SLAMF1: variants seen among roughly 807,000 people sequenced by gnomAD.
SLAMF1 encodes the protein signaling lymphocytic activation molecule.
SLAMF1 carries 18 observed loss-of-function variants against 35.1 expected under a neutral mutation model. That is an observed-to-expected ratio of 0.51 (90% CI 0.35 to 0.76). The LOEUF (loss-of-function observed/expected upper bound fraction) is 0.76, where lower values mean the gene tolerates loss of function less well. Among genes scored for constraint, SLAMF1 ranks in the 30% least tolerant of loss-of-function variants. SLAMF1 has a pLI of 0.01. For missense variants in SLAMF1, 392 were observed against 413.0 expected, an observed-to-expected ratio of 0.95 and a Z score of 0.44; for synonymous variants, 168 against 157.2, an observed-to-expected ratio of 1.07 and a Z score of -0.51.
intron 3 of SLAMF1, among the ~76,000 whole-genome samples, chr1:160,631,724 C>A (rs1190654245): frequency 6.6e-6 from 1 of 152,060 alleles, no homozygotes; most frequent in African/African-American, 2.4e-5. Flanking sequence ...CAGGTGAGAA[C>A]ACAGTGAGAA....
rs1658868067 is a variant in SLAMF1 at position 160,609,518 on chromosome 1, A to C, written c.*1230T>G. On this transcript the variant is annotated 3_prime_UTR_variant, in exon 7 of 7. Transcript: ENST00000302035. ...GGAAGTTGGTGCTCCTTATTATGCA[A>C]TGGTATGATAGTGGCTGTTTCTTAC... 6.6e-6 allele frequency: 1 copy of C among 152,242 alleles called. No homozygotes were observed. Among genetic ancestry groups the C allele is most frequent in the Non-Finnish European group, 1.5e-5 (1 of 68,054 alleles). 9.4% of individuals were successfully genotyped at this position (152,242 alleles called of 1,614,324 possible).
chr1:160,639,819 G>A (rs1034151134), intron 1 of SLAMF1, among the ~76,000 whole-genome samples: 5 of 151,830 alleles, frequency 3.3e-5, no homozygotes, highest in East Asian at 1.9e-4. Flanking sequence ...TGCCCAGTCC[G>A]TGGCACTGTT....
intron 3 of SLAMF1, 83 bp from the exon 4 acceptor site, chr1:160,624,268 C>A: frequency 2.1e-6 from 2 of 961,390 alleles, no homozygotes; most frequent in South Asian, 2.8e-5. Context: ...GATAATGGAG[C>A]CTCATGTTCT....
rs1361053277 is a variant in SLAMF1, at chr1:160,640,359, T to TATATAC, written c.77-2831_77-2830insGTATAT. Among the ~76,000 whole-genome samples, 172 of 122,408 alleles carry TATATAC rather than the reference T, an allele frequency of 1.4e-3. 1 individual carries two copies. Among genetic ancestry groups the TATATAC allele is most frequent in the East Asian group, 6.4e-3 (25 of 3,878 alleles). 80.3% of individuals were successfully genotyped at this position (122,408 alleles called of 152,430 possible). A position where few individuals can be genotyped will look rare whatever the true frequency, so the allele number is the denominator to read the frequency against. On this transcript the variant is annotated intron_variant, in intron 1 of 6. Coordinates refer to ENST00000302035, the MANE Select transcript of SLAMF1 (RefSeq NM_003037.5). The stretch of plus-strand genomic sequence containing the variant: ...ATATATATATATATATATATATATA[T>TATATAC]ACACACACACACACACATATATATA...
intron 2 of SLAMF1, among the ~76,000 whole-genome samples, chr1:160,635,348 T>TGC (rs752154256): frequency 1.3e-5 from 2 of 152,044 alleles, no homozygotes; most frequent in African/African-American, 2.4e-5. Context: ...TGTGTGTGCG[T>TGC]GCGCGCGCGC....
chr1:160,638,222 T>A (rs1660555842), intron 1 of SLAMF1, among the ~76,000 whole-genome samples: 3 of 151,972 alleles, frequency 2.0e-5, no homozygotes, highest in African/African-American at 7.3e-5. Flanking sequence ...ATTTCACACC[T>A]CCTCTCTCCT....
intron 3 of SLAMF1, among the ~76,000 whole-genome samples, chr1:160,632,837 CT>C (rs984782671): frequency 1.3e-5 from 2 of 152,162 alleles, no homozygotes; most frequent in African/African-American, 4.8e-5. Flanking sequence ...TGCTTTATCT[CT>C]TTCACTAATG....
intron 3 of SLAMF1, among the ~76,000 whole-genome samples, chr1:160,625,877 G>A (rs577893576): frequency 7.8e-4 from 118 of 151,934 alleles, no homozygotes; most frequent in Non-Finnish European, 1.6e-3. Context: ...GTGTGTTTGA[G>A]ACAGATTGAT....
At chr1:160,621,191 C>T (rs956524785) in intron 4 of SLAMF1, among the ~76,000 whole-genome samples, 11 of 152,148 alleles carry the variant, frequency 7.2e-5, no homozygotes, top group Admixed American at 5.9e-4. Context: ...AAAGTCCAGG[C>T]AGAGGCAATG....
chr1:160,624,679 T>C (rs1311696806), intron 3 of SLAMF1, among the ~76,000 whole-genome samples: 1 of 152,246 alleles, frequency 6.6e-6, no homozygotes, highest in South Asian at 2.1e-4. Context: ...TGTTGTCCTT[T>C]CATGCAAATA....
intron 3 of SLAMF1, among the ~76,000 whole-genome samples, chr1:160,633,909 A>G (rs1329861059): frequency 6.6e-6 from 1 of 152,244 alleles, no homozygotes; most frequent in Non-Finnish European, 1.5e-5. Context: ...AAATGAAAGT[A>G]TAACACCTAT....
intron 1 of SLAMF1, among the ~76,000 whole-genome samples, 166 bp downstream of exon 1, chr1:160,646,704 T>C (rs898282282): frequency 8.5e-5 from 13 of 152,210 alleles, no homozygotes; most frequent in African/African-American, 3.1e-4. Context: ...CAGGAACTTA[T>C]AATGTTCCTT....
At chr1:160,634,542 G>T in intron 3 of SLAMF1, 71 bp downstream of exon 3, 1 of 1,468,182 alleles carries the variant, frequency 6.8e-7, no homozygotes, top group Non-Finnish European at 9.2e-7. Context: ...TGGCTGGGGA[G>T]CAATTGGACC....
rs190014830 is a variant in SLAMF1, at chr1:160,617,656, G to T, written c.864+2120C>A. ...GCTAACCTATTTTTCTAGAAGTCAGGATAGTGGTTATCTTTGGGGAGGAGA... is the reference window on the plus strand; with the variant it reads ...GCTAACCTATTTTTCTAGAAGTCAGTATAGTGGTTATCTTTGGGGAGGAGA... On this transcript the variant is annotated intron_variant, in intron 5 of 6. Transcript: ENST00000302035. 2.4e-4 allele frequency among the ~76,000 whole-genome samples: 36 copies of T among 152,256 alleles called. 2 individuals are homozygous for T. In the East Asian group the frequency reaches 6.7e-3, roughly 29 times the overall value.
At chr1:160,626,769 G>A (rs759124299) in intron 3 of SLAMF1, among the ~76,000 whole-genome samples, 4 of 152,038 alleles carry the variant, frequency 2.6e-5, no homozygotes, top group Non-Finnish European at 4.4e-5. Context: ...CAAACCTTTT[G>A]AGTCAAAAGC....
Position 160,624,123 on chromosome 1 carries a change from C to G in SLAMF1, c.763G>C (p.Val255Leu). The change falls in exon 4 of 7, where the codon GTG becomes CTG. Residue 255 changes from valine to leucine, a missense_variant. Coordinates refer to ENST00000302035, the MANE Select transcript of SLAMF1 (RefSeq NM_003037.5). ...LGGVIMILIMVVILQLRRRGK... is the reference protein window; with the variant it reads ...LGGVIMILIMLVILQLRRRGK... The stretch of plus-strand genomic sequence containing the variant: ...CTTCTTCTCAACTGTAGTATTACCA[C>G]CATGATGAGAATCATGATGACACCC... The G allele has an allele frequency of 6.2e-7, 1 of 1,607,224 alleles. No individual in the cohort carries two copies. The highest frequency in any genetic ancestry group is 8.5e-7 in the Non-Finnish European group (1 of 1,175,608).
At position 160,634,908 on chromosome 1, in the gene SLAMF1, T is replaced by A; in HGVS notation, c.416-11A>T. ...GAGTGGAGACCTGCTCTGTCAGGAGTGGGAGGAAGGGAGCCATCACTGAAG... is the reference window on the plus strand; with the variant it reads ...GAGTGGAGACCTGCTCTGTCAGGAGAGGGAGGAAGGGAGCCATCACTGAAG... On this transcript the variant is annotated splice_polypyrimidine_tract_variant and intron_variant, in intron 2 of 6. Transcript: ENST00000302035. 1 of 1,598,398 alleles carries A rather than the reference T, an allele frequency of 6.3e-7. No homozygotes were observed. Among genetic ancestry groups the A allele is most frequent in the Non-Finnish European group, 8.6e-7 (1 of 1,169,400 alleles).
Position 160,637,180 on chromosome 1 carries a change from G to T in SLAMF1, c.415+11C>A. 1.9e-6 allele frequency: 3 copies of T among 1,603,708 alleles called. No individual in the cohort carries two copies. Among genetic ancestry groups the T allele is most frequent in the South Asian group, 2.2e-5 (2 of 90,890 alleles). ...CCCTTTAGTGTGGACTGGGGAAGCC[G>T]CCATTATTACCATAAAGCCTCAACT... On this transcript the variant is annotated intron_variant, in intron 2 of 6. Coordinates refer to ENST00000302035, the MANE Select transcript of SLAMF1 (RefSeq NM_003037.5).
intron 3 of SLAMF1, among the ~76,000 whole-genome samples, chr1:160,628,442 C>T (rs945220604): frequency 6.6e-6 from 1 of 152,200 alleles, no homozygotes; most frequent in Admixed American, 6.5e-5. Context: ...TATTAAGGTA[C>T]TATCATAAAC....
Sources: gnomAD v4.1 joint callset for allele counts (sites outside exome capture counted in the v4.1 genomes callset) on GRCh38, gnomAD v4.1.1 for gene constraint, MANE v1.5 for transcripts, NCBI Gene and HGNC (gene_info 2026-07-23, HGNC 2026-07-21) for gene names.